The following KL variants were observed in gnomAD, a reference collection of about 807,000 sequenced individuals.
KL encodes klotho, also known as alpha-klotho.
A neutral mutation model predicts 84.2 loss-of-function variants in KL; 62 were observed. That is an observed-to-expected ratio of 0.74 (90% CI 0.60 to 0.91). KL has a LOEUF of 0.91. Ranked by LOEUF, KL falls within the 40% of genes least tolerant of loss-of-function variation. The pLI, the probability that KL is intolerant of heterozygous loss-of-function variation, is 0.00. For synonymous variants in KL, 528 were observed against 528.0 expected, an observed-to-expected ratio of 1.00 and a Z score of 0.00; for missense variants, 1,261 against 1,305.7, an observed-to-expected ratio of 0.97 and a Z score of 0.53.
intron 1 of KL, among the ~76,000 whole-genome samples, chr13:33,021,015 G>A (rs889936802): frequency 2.6e-5 from 4 of 152,114 alleles, no homozygotes; most frequent in East Asian, 1.9e-4. Flanking sequence ...CTCCTCCCGC[G>A]CTCTTCCCTT....
chr13:33,032,601 C>T (rs1871013545), intron 1 of KL, among the ~76,000 whole-genome samples: 1 of 151,978 alleles, frequency 6.6e-6, no homozygotes, highest in African/African-American at 2.4e-5. Flanking sequence ...TCTTCTTCTT[C>T]TTTTCACTTA....
chr13:33,033,790 C>A (rs1182112778), intron 1 of KL, among the ~76,000 whole-genome samples: 1 of 151,896 alleles, frequency 6.6e-6, no homozygotes, highest in Non-Finnish European at 1.5e-5. Context: ...CAGGAAGTCA[C>A]CAAATTTACA....
chr13:33,030,844 A>G (rs1051819132), intron 1 of KL, among the ~76,000 whole-genome samples: 2 of 152,246 alleles, frequency 1.3e-5, no homozygotes, highest in Non-Finnish European at 2.9e-5. Context: ...CAGTAACACA[A>G]TAGTTGAAAC....
In KL at chr13:33,061,584, C is replaced by T; in HGVS notation, c.2505C>T (p.Asp835=). The change falls in exon 4 of 5, where the codon GAC becomes GAT. Residue 835 remains aspartate, a synonymous_variant. Transcript: ENST00000380099. ...ACCTAGAAGTGCAAGAAATGACCGA[C>T]ATCACGTGGCTCAACTCCCCCAGTC... The part of the protein sequence containing the change: ...NDYLEVQEMT[D]ITWLNSPSQV... The T allele has an allele frequency of 6.2e-7, 1 of 1,614,206 alleles. No individual in the cohort carries two copies. Among genetic ancestry groups the T allele is most frequent in the Non-Finnish European group, 8.5e-7 (1 of 1,180,034 alleles).
chr13:33,052,920 A>C (rs1759002459), intron 1 of KL, among the ~76,000 whole-genome samples: 1 of 152,018 alleles, frequency 6.6e-6, no homozygotes, highest in African/African-American at 2.4e-5. Context: ...GGGAGAAAAA[A>C]CCCCTATAAT....
intron 1 of KL, among the ~76,000 whole-genome samples, chr13:33,036,551 A>G (rs1871152821): frequency 6.6e-6 from 1 of 152,132 alleles, no homozygotes; most frequent in Non-Finnish European, 1.5e-5. Context: ...GGACAGTCAC[A>G]TGTCTCTATT....
At chr13:33,044,545 A>G (rs1208906101) in intron 1 of KL, among the ~76,000 whole-genome samples, 1 of 151,752 alleles carries the variant, frequency 6.6e-6, no homozygotes, top group Non-Finnish European at 1.5e-5. Context: ...ATTATTTTCT[A>G]AGTATTTTAC....
chr13:33,053,820 AG>A lies in KL; in HGVS notation c.875del (p.Gly292ValfsTer7). On this transcript the variant is annotated frameshift_variant, in exon 2 of 5. Transcript: ENST00000380099. LOFTEE classifies it high-confidence loss of function. Reference protein sequence around the residue: ...YNTSFRPTQGGQVSIALSSHW... With the variant: ...YNTSFRPTQGXQVSIALSSHW... ...ATACTTCTTTCCGTCCCACTCAGGG[AG>A]GTCAGGTGTCCATTGCCCTAAGCTC... 1 of 1,614,126 alleles carries A rather than the reference AG, an allele frequency of 6.2e-7. No homozygotes were observed. Among genetic ancestry groups the A allele is most frequent in the Non-Finnish European group, 8.5e-7 (1 of 1,179,996 alleles).
chr13:33,055,356 C>T (rs1334978784), intron 3 of KL, 41 bp downstream of exon 3: 1 of 1,613,346 alleles, frequency 6.2e-7, no homozygotes, highest in Admixed American at 1.7e-5. Context: ...CTCACCAAGC[C>T]CTATCACTAG....
At chr13:33,034,990 T>A (rs1289375842) in intron 1 of KL, among the ~76,000 whole-genome samples, 1 of 152,268 alleles carries the variant, frequency 6.6e-6, no homozygotes, top group East Asian at 1.9e-4. Flanking sequence ...TCAAAATTGC[T>A]GAGGCTACTC....
In KL at chr13:33,016,640, G is replaced by A. The variant is rs1870343294; in HGVS notation, c.200G>A (p.Trp67Ter). The A allele has an allele frequency of 1.3e-6, 2 of 1,573,632 alleles. No homozygotes were observed. Among genetic ancestry groups the A allele is most frequent in the Non-Finnish European group, 1.7e-6 (2 of 1,159,910 alleles). The change falls in exon 1 of 5, where the codon TGG (tryptophan) becomes TAG (stop). Residue 67 changes from tryptophan (W) to a stop codon, truncating the protein, a stop_gained. Transcript: ENST00000380099. LOFTEE classifies it high-confidence loss of function. ...GGCACCTTCCCCGACGGCTTCCTCT[G>A]GGCCGTGGGCAGCGCCGCCTACCAG... ...FQGTFPDGFL[W>*]AVGSAAYQTE...
intron 1 of KL, among the ~76,000 whole-genome samples, chr13:33,031,056 A>T (rs1428808741): frequency 2.6e-5 from 4 of 152,206 alleles, no homozygotes; most frequent in African/African-American, 9.6e-5. Flanking sequence ...AAATAATATA[A>T]TAAAATGCCC....
chr13:33,020,516 C>T (rs745413339), intron 1 of KL, among the ~76,000 whole-genome samples: 17 of 151,420 alleles, frequency 1.1e-4, no homozygotes, highest in Non-Finnish European at 1.9e-4. Flanking sequence ...GCCTTCTCCA[C>T]GTGGATGTCT....
In KL at chr13:33,064,248, C is replaced by T. The variant is rs528419778; in HGVS notation, c.*62C>T. ...TTATGCAGACACATCAGCTGTTAAC[C>T]ATTTGCACCTCTAAGTGTTGTGAAA... On this transcript the variant is annotated 3_prime_UTR_variant, in exon 5 of 5. Coordinates refer to ENST00000380099, the MANE Select transcript of KL (RefSeq NM_004795.4). 1.2e-5 allele frequency: 15 copies of T among 1,210,910 alleles called. No homozygotes were observed. The East Asian group carries it at 3.5e-4, about 28-fold the overall frequency. The allele number at this position is 1,210,910 out of a possible 1,614,324, so 75.0% of individuals were successfully genotyped here.
Position 33,055,186 on chromosome 13 carries a change from A to G in KL, c.1470A>G (p.Pro490=). 6.2e-7 allele frequency: 1 copy of G among 1,614,242 alleles called. No homozygotes were observed. The highest frequency in any genetic ancestry group is 8.5e-7 in the Non-Finnish European group (1 of 1,180,046). ...TAAGCCAGGACAAGATGTTGTTGCC[A>G]AAGTCTTCAGCCTTGTTCTACCAAA... is the stretch of plus-strand genomic sequence containing the variant. ...DFLSQDKMLL[P]KSSALFYQKL... is the part of the protein sequence containing the mutation. Residue 490 remains proline, a synonymous_variant, in exon 3 of 5, where the codon CCA becomes CCG. Transcript: ENST00000380099.
intron 3 of KL, among the ~76,000 whole-genome samples, chr13:33,058,827 G>A (rs537889015): frequency 2.0e-5 from 3 of 152,040 alleles, no homozygotes; most frequent in African/African-American, 7.2e-5. Flanking sequence ...AACTCTGAAC[G>A]CTTCAAAAGA....
At chr13:33,051,706 A>G (rs1474191810) in intron 1 of KL, among the ~76,000 whole-genome samples, 1 of 152,150 alleles carries the variant, frequency 6.6e-6, no homozygotes, top group African/African-American at 2.4e-5. Context: ...AAAAAATTCC[A>G]TTGTATGACT....
At position 33,053,626 on chromosome 13, in the gene KL, G is replaced by T. The variant is rs775578355; in HGVS notation, c.820-141G>T. The T allele has an allele frequency of 1.4e-5, 11 of 791,862 alleles. No homozygotes were observed. The East Asian group carries it at 2.5e-4, about 18-fold the overall frequency. The allele number at this position is 791,862 out of a possible 1,614,324, so 49.1% of individuals were successfully genotyped here. ...TGACCTACCTTTGAAATAATGTATTGGTTCTAGCTGATTTTTATATTGTTA... is the reference window on the plus strand; with the variant it reads ...TGACCTACCTTTGAAATAATGTATTTGTTCTAGCTGATTTTTATATTGTTA... On this transcript the variant is annotated intron_variant, in intron 1 of 4. Coordinates refer to ENST00000380099, the MANE Select transcript of KL (RefSeq NM_004795.4).
In KL at chr13:33,016,593, C is replaced by T. The variant is rs1430707391; in HGVS notation, c.153C>T (p.Pro51=). The T allele has an allele frequency of 8.0e-6, 12 of 1,502,472 alleles. No individual in the cohort carries two copies. In the East Asian group the frequency reaches 2.0e-4, roughly 25 times the overall value. The allele number at this position is 1,502,472 out of a possible 1,614,324, so 93.1% of individuals were successfully genotyped here. A position where few individuals can be genotyped will look rare whatever the true frequency, so the allele number is the denominator to read the frequency against. The change falls in exon 1 of 5, where the codon CCC becomes CCT. Residue 51 remains proline (P), a synonymous_variant. Coordinates refer to ENST00000380099, the MANE Select transcript of KL (RefSeq NM_004795.4). ...TWARFSRPPA[P]EAAGLFQGTF... is the part of the protein sequence containing the mutation. ...CCCGTTTCTCGCGGCCTCCTGCCCCCGAGGCCGCGGGCCTCTTCCAGGGCA... is the reference window on the plus strand; with the variant it reads ...CCCGTTTCTCGCGGCCTCCTGCCCCTGAGGCCGCGGGCCTCTTCCAGGGCA...
Sources: gnomAD v4.1 joint callset for allele counts (sites outside exome capture counted in the v4.1 genomes callset) on GRCh38, gnomAD v4.1.1 for gene constraint, MANE v1.5 for transcripts, NCBI Gene and HGNC (gene_info 2026-07-23, HGNC 2026-07-21) for gene names.